The following MACO1 variants were observed in gnomAD, a reference collection of about 807,000 sequenced individuals.
The protein encoded by MACO1 is macoilin 1, also known as macoilin.
Under a neutral mutation model 78.7 loss-of-function variants are expected in MACO1, and 14 were observed. The ratio of observed to expected loss-of-function variants is 0.18; its 90% CI spans 0.12 to 0.28. MACO1 has a LOEUF of 0.28. MACO1 is among the 10% of genes least tolerant of loss of function. MACO1 has a pLI of 1.00. For synonymous variants in MACO1, 288 were observed against 291.6 expected (o/e 0.99, Z 0.12); for missense variants, 501 against 799.0 (o/e 0.63, Z 4.50).
At chr1:25,449,587 C>T (rs1400653774) in intron 3 of MACO1, among the ~76,000 whole-genome samples, 6 of 151,960 alleles carry the variant, frequency 3.9e-5, no homozygotes. Context: ...CCAGGCTGGA[C>T]TTGAACTCCT....
At chr1:25,433,188 A>G (rs2042890590) in intron 1 of MACO1, among the ~76,000 whole-genome samples, 1 of 152,190 alleles carries the variant, frequency 6.6e-6, no homozygotes, top group Non-Finnish European at 1.5e-5. Flanking sequence ...TGGTTGGAGT[A>G]TCATATATCA....
At chr1:25,481,726 A>G (rs181279181) in intron 6 of MACO1, among the ~76,000 whole-genome samples, 84 of 152,342 alleles carry the variant, frequency 5.5e-4, no homozygotes, top group Non-Finnish European at 9.6e-4. Flanking sequence ...TGTTTAGAGC[A>G]GTTCTGAGAG....
chr1:25,450,270 T>G (rs2043053797), intron 3 of MACO1, among the ~76,000 whole-genome samples: 1 of 152,224 alleles, frequency 6.6e-6, no homozygotes, highest in Non-Finnish European at 1.5e-5. Flanking sequence ...CCTCCTCGTC[T>G]GCCTGCCTCA....
chr1:25,481,744 A>C (rs1432684055), intron 6 of MACO1, among the ~76,000 whole-genome samples: 7 of 152,190 alleles, frequency 4.6e-5, no homozygotes, highest in Non-Finnish European at 7.3e-5. Flanking sequence ...GAGTACATTC[A>C]ACTGGAATAA....
At chr1:25,497,450 C>T (rs2043547710) in intron 10 of MACO1, among the ~76,000 whole-genome samples, 1 of 151,610 alleles carries the variant, frequency 6.6e-6, no homozygotes, top group Non-Finnish European at 1.5e-5. Context: ...GAAAGTTTTG[C>T]TGAGGAAGTA....
At chr1:25,487,356 C>T (rs1246083528) in intron 8 of MACO1, among the ~76,000 whole-genome samples, 1 of 152,078 alleles carries the variant, frequency 6.6e-6, no homozygotes, top group Non-Finnish European at 1.5e-5. Context: ...GTTTCACCAT[C>T]TTGGCAGGCT....
At chr1:25,460,078 ATTTGT>A (rs1245899463) in intron 6 of MACO1, among the ~76,000 whole-genome samples, 1 of 152,110 alleles carries the variant, frequency 6.6e-6, no homozygotes. Context: ...TAGATTATTA[ATTTGT>A]TTTAATTTTC....
At chr1:25,441,293 C>T (rs894981245) in intron 1 of MACO1, among the ~76,000 whole-genome samples, 1 of 152,016 alleles carries the variant, frequency 6.6e-6, no homozygotes, top group Non-Finnish European at 1.5e-5. Context: ...TGGGTTCAAG[C>T]GATTCTCCTG....
intron 6 of MACO1, among the ~76,000 whole-genome samples, chr1:25,480,913 TAAA>T (rs759266355): frequency 1.2e-4 from 2 of 16,224 alleles, no homozygotes; most frequent in African/African-American, 5.2e-4. Flanking sequence ...GAGACTTGGT[TAAA>T]AAAAAAAAAA....
At position 25,431,038 on chromosome 1, in the gene MACO1, G is replaced by T; in HGVS notation, c.-61G>T. On this transcript the variant is annotated 5_prime_UTR_variant, in exon 1 of 11. Coordinates refer to ENST00000374343, the MANE Select transcript of MACO1 (RefSeq NM_018202.6). ...GCCCGACGCGGGGCGGGCCAGCGGCGGCGGCAGCTGAGGTGAGAGACGGCG... is the reference window on the plus strand; with the variant it reads ...GCCCGACGCGGGGCGGGCCAGCGGCTGCGGCAGCTGAGGTGAGAGACGGCG... The T allele has an allele frequency of 3.5e-6, 5 of 1,409,148 alleles. No homozygotes were observed. The highest frequency in any genetic ancestry group is 4.8e-6 in the Non-Finnish European group (5 of 1,043,152). 87.3% of individuals were successfully genotyped at this position (1,409,148 alleles called of 1,614,324 possible).
chr1:25,455,290 T>A (rs903172182), intron 4 of MACO1, among the ~76,000 whole-genome samples: 3 of 152,210 alleles, frequency 2.0e-5, no homozygotes, highest in African/African-American at 4.8e-5. Context: ...CCATGAAACA[T>A]TTTTGAAAAA....
Position 25,480,932 on chromosome 1 carries a change from ATATATATATATATATATATATAT to A in MACO1, c.1155-3183_1155-3161del, listed in dbSNP as rs2043370220. Among the ~76,000 whole-genome samples, 552 of 72,910 alleles carry A rather than the reference ATATATATATATATATATATATAT, an allele frequency of 7.6e-3. 59 individuals carry two copies. Among genetic ancestry groups the A allele is most frequent in the Admixed American group, 0.054 (379 of 6,958 alleles). 47.8% of individuals were successfully genotyped at this position (72,910 alleles called of 152,430 possible). A position where few individuals can be genotyped will look rare whatever the true frequency, so the allele number is the denominator to read the frequency against. On this transcript the variant is annotated intron_variant, in intron 6 of 10. Transcript: ENST00000374343. ...CTTGGTTAAAAAAAAAAAAAAAAAT[ATATATATATATATATATATATAT>A]ATATATATATATATATATATTTCAT...
intron 10 of MACO1, 77 bp from the exon 11 acceptor site, chr1:25,498,187 C>T (rs1378041017): frequency 2.7e-6 from 4 of 1,485,782 alleles, no homozygotes; most frequent in Non-Finnish European, 3.7e-6. Flanking sequence ...ACCGAATCTA[C>T]TTAGGGATTG....
At chr1:25,464,087 C>T (rs1057447972) in intron 6 of MACO1, among the ~76,000 whole-genome samples, 4 of 152,098 alleles carry the variant, frequency 2.6e-5, no homozygotes, top group Admixed American at 2.6e-4. Flanking sequence ...TTTATAATGG[C>T]ATGTATCTAC....
chr1:25,447,339 G>A (rs752282964), intron 2 of MACO1, among the ~76,000 whole-genome samples: 5 of 152,116 alleles, frequency 3.3e-5, no homozygotes, highest in Admixed American at 6.6e-5. Context: ...CTTTTCACTC[G>A]TAAAAACTAT....
chr1:25,439,402 AAAT>A (rs1298701457), intron 1 of MACO1, among the ~76,000 whole-genome samples: 1 of 118,236 alleles, frequency 8.5e-6, no homozygotes, highest in Non-Finnish European at 2.1e-5. Flanking sequence ...TCTCTGAAAA[AAAT>A]AAACAAACAA....
At chr1:25,447,338 C>T (rs772154692) in intron 2 of MACO1, among the ~76,000 whole-genome samples, 20 of 152,210 alleles carry the variant, frequency 1.3e-4, no homozygotes, top group Non-Finnish European at 2.5e-4. Flanking sequence ...CCTTTTCACT[C>T]GTAAAAACTA....
At position 25,498,697 on chromosome 1, in the gene MACO1, G is replaced by A. The variant is rs781128219; in HGVS notation, c.*231G>A. On this transcript the variant is annotated 3_prime_UTR_variant, in exon 11 of 11. Coordinates refer to ENST00000374343, the MANE Select transcript of MACO1 (RefSeq NM_018202.6). Reference sequence around the variant, plus strand: ...CAGAACTTTACAGTTTATTTTTCTCGGCCAACACATTAAAACCATTCTTGG... The same window carrying A: ...CAGAACTTTACAGTTTATTTTTCTCAGCCAACACATTAAAACCATTCTTGG... 63 of 426,626 alleles carry A rather than the reference G, an allele frequency of 1.5e-4. No homozygotes were observed. The highest frequency in any genetic ancestry group is 7.4e-5 in the South Asian group (1 of 13,592). 26.4% of individuals were successfully genotyped at this position (426,626 alleles called of 1,614,324 possible).
chr1:25,441,479 C>T (rs2042972372), intron 1 of MACO1, among the ~76,000 whole-genome samples: 1 of 152,158 alleles, frequency 6.6e-6, no homozygotes, highest in South Asian at 2.1e-4. Flanking sequence ...GCCACTGCTC[C>T]CGGCCTCAAC....
Sources: allele counts gnomAD v4.1 joint callset (sites outside exome capture counted in the v4.1 genomes callset), GRCh38; gene constraint gnomAD v4.1.1; transcripts MANE v1.5; gene names NCBI Gene and HGNC (gene_info 2026-07-23, HGNC 2026-07-21).